RTN1: variants seen among roughly 807,000 people sequenced by gnomAD.
RTN1 encodes the protein reticulon 1.
In RTN1, 25 loss-of-function variants were observed where a neutral mutation model predicts 65.5. That is an observed-to-expected ratio of 0.38 (90% confidence interval 0.28 to 0.53). RTN1 has a LOEUF of 0.53. Ranked by LOEUF, RTN1 falls within the 20% of genes least tolerant of loss-of-function variation. RTN1 has a pLI of 0.79. For synonymous variants in RTN1, 471 were observed against 447.6 expected (o/e 1.05, Z -0.66); for missense variants, 983 against 1,025.4 (o/e 0.96, Z 0.57).
intron 3 of RTN1, among the ~76,000 whole-genome samples, chr14:59,662,562 G>T (rs548783362): frequency 3.9e-5 from 6 of 152,154 alleles, no homozygotes; most frequent in Non-Finnish European, 8.8e-5. Context: ...GTCTATCATT[G>T]TTGGACATTT....
At chr14:59,761,366 A>C (rs1257332961) in intron 1 of RTN1, among the ~76,000 whole-genome samples, 1 of 152,128 alleles carries the variant, frequency 6.6e-6, no homozygotes, top group East Asian at 1.9e-4. Context: ...AAGTCTCATG[A>C]GATCTGATGG....
chr14:59,704,781 A>C (rs1187809180), intron 3 of RTN1, among the ~76,000 whole-genome samples: 1 of 152,110 alleles, frequency 6.6e-6, no homozygotes, highest in East Asian at 1.9e-4. Flanking sequence ...GCTGCAGCTG[A>C]TTCCCGGACA....
chr14:59,853,043 T>TAA (rs1194062955), intron 1 of RTN1, among the ~76,000 whole-genome samples: 6 of 152,222 alleles, frequency 3.9e-5, no homozygotes, highest in Non-Finnish European at 8.8e-5. Flanking sequence ...TGCCCCTGTG[T>TAA]AAACAGTGAT....
intron 2 of RTN1, among the ~76,000 whole-genome samples, chr14:59,736,864 T>C (rs918803518): frequency 3.8e-5 from 5 of 129,964 alleles, no homozygotes; most frequent in Admixed American, 8.2e-5. Flanking sequence ...GTTCAACATA[T>C]GCAAATCAAA....
chr14:59,621,789 C>T (rs182968194), intron 3 of RTN1, among the ~76,000 whole-genome samples: 130 of 152,308 alleles, frequency 8.5e-4, no homozygotes, highest in African/African-American at 2.9e-3. Context: ...AATGGCCCAA[C>T]AGTGGCCACA....
chr14:59,755,308 CCAATATTAA>C (rs1272781534), intron 1 of RTN1, among the ~76,000 whole-genome samples: 9 of 152,050 alleles, frequency 5.9e-5, no homozygotes, highest in Admixed American at 2.6e-4. Context: ...TTGAATAGAG[CCAATATTAA>C]CAGGTATAGG....
chr14:59,809,011 T>C (rs1475539481), intron 1 of RTN1, among the ~76,000 whole-genome samples: 2 of 152,226 alleles, frequency 1.3e-5, no homozygotes, highest in African/African-American at 4.8e-5. Flanking sequence ...GGTATTTCTT[T>C]AAAGCAATTT....
At chr14:59,704,741 A>G (rs539012651) in intron 3 of RTN1, among the ~76,000 whole-genome samples, 1 of 152,260 alleles carries the variant, frequency 6.6e-6, no homozygotes, top group East Asian at 1.9e-4. Context: ...ATCTTGGGGG[A>G]GCCAGTGCTG....
At chr14:59,669,149 T>C (rs1028717753) in intron 3 of RTN1, among the ~76,000 whole-genome samples, 18 of 152,234 alleles carry the variant, frequency 1.2e-4, no homozygotes, top group African/African-American at 4.1e-4. Context: ...CAAAGTCATA[T>C]GCACACATAT....
intron 2 of RTN1, among the ~76,000 whole-genome samples, chr14:59,728,276 C>CTTTTTTTTTTTTT (rs1884825956): frequency 1.1e-5 from 1 of 94,946 alleles, no homozygotes; most frequent in African/African-American, 5.1e-5. Context: ...TTTTTTTTTG[C>CTTTTTTTTTTTTT]AACTAAGTGG....
intron 3 of RTN1, 160 bp from the exon 4 acceptor site, chr14:59,607,652 C>T: frequency 1.6e-6 from 1 of 638,834 alleles, no homozygotes; most frequent in Non-Finnish European, 2.8e-6. Flanking sequence ...AGGGCACTTA[C>T]TGTCATTCCA....
chr14:59,710,370 T>C lies in RTN1; in HGVS notation c.1765+16549A>G, dbSNP rs185107496. On this transcript the variant is annotated intron_variant, in intron 3 of 8. Coordinates refer to ENST00000267484, the MANE Select transcript of RTN1 (RefSeq NM_021136.3). ...GCATGTAAAGTTTCACTTTAAAAAA[T>C]AGAGGAGAGGAGTCTGCAGCATTCC... Among the ~76,000 whole-genome samples, 89 of 152,234 alleles carry C rather than the reference T, an allele frequency of 5.8e-4. No individual in the cohort carries two copies. The South Asian group carries it at 9.9e-3, about 17-fold the overall frequency.
At chr14:59,741,483 C>T (rs1440359441) in intron 2 of RTN1, among the ~76,000 whole-genome samples, 12 of 152,112 alleles carry the variant, frequency 7.9e-5, no homozygotes, top group Admixed American at 6.5e-4. Flanking sequence ...TCCATGAAGC[C>T]AGGATTTTCT....
At chr14:59,749,053 G>A (rs1203628361) in intron 1 of RTN1, among the ~76,000 whole-genome samples, 1 of 148,218 alleles carries the variant, frequency 6.7e-6, no homozygotes, top group African/African-American at 2.5e-5. Context: ...CCTCCCCAGT[G>A]CTGGGATTAC....
At chr14:59,632,986 T>A (rs1882587915) in intron 3 of RTN1, among the ~76,000 whole-genome samples, 1 of 152,136 alleles carries the variant, frequency 6.6e-6, no homozygotes, top group South Asian at 2.1e-4. Context: ...CCTGTACTCC[T>A]AGCTACTTGG....
At chr14:59,820,070 T>C (rs1594755600) in intron 1 of RTN1, among the ~76,000 whole-genome samples, 1 of 152,114 alleles carries the variant, frequency 6.6e-6, no homozygotes, top group Non-Finnish European at 1.5e-5. Flanking sequence ...CGAGAGCGAG[T>C]GAGGGGTGCT....
chr14:59,858,132 C>T (rs752290400), intron 1 of RTN1, among the ~76,000 whole-genome samples: 7 of 152,150 alleles, frequency 4.6e-5, no homozygotes, highest in African/African-American at 9.7e-5. Context: ...GATGGTAATA[C>T]GCCCAGGAGG....
intron 1 of RTN1, among the ~76,000 whole-genome samples, chr14:59,858,361 G>T (rs1043755106): frequency 2.0e-5 from 3 of 152,036 alleles, no homozygotes; most frequent in Non-Finnish European, 4.4e-5. Flanking sequence ...TTTTCAGAGT[G>T]AGCTGAAAAA....
At position 59,630,893 on chromosome 14, in the gene RTN1, G is replaced by A. The variant is rs961525688; in HGVS notation, c.1766-23401C>T. On this transcript the variant is annotated intron_variant, in intron 3 of 8. Transcript: ENST00000267484. ...AAAGGGCTGACGGTGGGGGTGAGAG[G>A]AGGAGGACTTGGGCTGTTCCTGGGA... is the stretch of plus-strand genomic sequence containing the variant. 2.3e-5 allele frequency: 22 copies of A among 970,668 alleles called. No homozygotes were observed. In the African/African-American group the frequency reaches 3.0e-4, roughly 13 times the overall value. The allele number at this position is 970,668 out of a possible 1,614,324, so 60.1% of individuals were successfully genotyped here. A position where few individuals can be genotyped will look rare whatever the true frequency, so the allele number is the denominator to read the frequency against.
Sources: gnomAD v4.1 joint callset for allele counts (sites outside exome capture counted in the v4.1 genomes callset) on GRCh38, gnomAD v4.1.1 for gene constraint, MANE v1.5 for transcripts, NCBI Gene and HGNC (gene_info 2026-07-23, HGNC 2026-07-21) for gene names.